Variants in ATP1A4 observed in about 807,000 individuals in gnomAD.
ATP1A4 encodes the protein ATPase Na+/K+ transporting subunit alpha 4.
Under a neutral mutation model 114.3 loss-of-function variants are expected in ATP1A4, and 90 were observed. That is an observed-to-expected ratio of 0.79 (90% CI 0.66 to 0.94). The LOEUF is 0.94. ATP1A4 is among the 40% of genes least tolerant of loss of function. The probability of loss-of-function intolerance (pLI) is 0.00; values close to 1 mark genes in which losing one functional copy is unlikely to be tolerated. For missense variants in ATP1A4, 1,222 were observed against 1,313.6 expected, an observed-to-expected ratio of 0.93 and a Z score of 1.08; for synonymous variants, 511 against 494.1, an observed-to-expected ratio of 1.03 and a Z score of -0.45.
At chr1:160,180,693 CCTTTTTT>C (rs1653653314) in intron 18 of ATP1A4, among the ~76,000 whole-genome samples, 1 of 131,416 alleles carries the variant, frequency 7.6e-6, no homozygotes, top group African/African-American at 2.9e-5. Flanking sequence ...TGCCTTCTTC[CCTTTTTT>C]TTTTTTTTTT....
At chr1:160,183,348 T>A (rs769439522) in intron 20 of ATP1A4, 3 of 152,252 alleles carry the variant, frequency 2.0e-5, no homozygotes, top group Non-Finnish European at 4.4e-5. Context: ...AATGCCATTA[T>A]AGACATAATA....
At chr1:160,175,008 T>A (rs1653411179) in intron 15 of ATP1A4, among the ~76,000 whole-genome samples, 1 of 152,210 alleles carries the variant, frequency 6.6e-6, no homozygotes, top group Admixed American at 6.5e-5. Flanking sequence ...GAGACTCTGG[T>A]ATACATAATA....
chr1:160,174,222 T>G lies in ATP1A4; in HGVS notation c.2103T>G (p.Pro701=), dbSNP rs1653368862. 1 of 1,614,078 alleles carries G rather than the reference T, an allele frequency of 6.2e-7. No homozygotes were observed. The highest frequency in any genetic ancestry group is 8.5e-7 in the Non-Finnish European group (1 of 1,180,002). ...HPEIVFARTS[P]QQKLIIVEGC... is the part of the protein sequence containing the mutation. Reference sequence around the variant, plus strand: ...AGATCGTGTTTGCTCGGACCTCCCCTCAGCAGAAGCTCATCATTGTCGAGG... The same window carrying G: ...AGATCGTGTTTGCTCGGACCTCCCCGCAGCAGAAGCTCATCATTGTCGAGG... The change falls in exon 14 of 22, where the codon CCT becomes CCG. Residue 701 remains proline (P), a synonymous_variant. Coordinates refer to ENST00000368081, the MANE Select transcript of ATP1A4 (RefSeq NM_144699.4).
chr1:160,182,663 C>CTTTAT (rs893238991), intron 20 of ATP1A4: 1 of 152,650 alleles, frequency 6.6e-6, no homozygotes, highest in Non-Finnish European at 1.5e-5. Flanking sequence ...CAACACATTT[C>CTTTAT]TTTATTTTAT....
At chr1:160,185,188 C>G (rs1397920547) in intron 20 of ATP1A4, among the ~76,000 whole-genome samples, 1 of 151,438 alleles carries the variant, frequency 6.6e-6, no homozygotes, top group East Asian at 1.9e-4. Context: ...TCTCAGCTCA[C>G]TGCAACCTCC....
intron 6 of ATP1A4, among the ~76,000 whole-genome samples, chr1:160,162,987 C>A (rs1310719017): frequency 6.6e-6 from 1 of 152,150 alleles, no homozygotes; most frequent in Non-Finnish European, 1.5e-5. Flanking sequence ...GACTAGAAGA[C>A]CTTTATTTGT....
chr1:160,172,634 T>C (rs1219624887), intron 12 of ATP1A4, among the ~76,000 whole-genome samples: 1 of 152,208 alleles, frequency 6.6e-6, no homozygotes, highest in Non-Finnish European at 1.5e-5. Context: ...AGCTTAGATA[T>C]AGACACCTTC....
At position 160,152,017 on chromosome 1, in the gene ATP1A4, G is replaced by C; in HGVS notation, c.-24G>C. 1 of 1,603,706 alleles carries C rather than the reference G, an allele frequency of 6.2e-7. No homozygotes were observed. The highest frequency in any genetic ancestry group is 8.5e-7 in the Non-Finnish European group (1 of 1,175,474). ...CAGCTTTCTTCCCACAGTTGAGCTC[G>C]GGCAGCTCTTTCTGGGGATAGCTAT... On this transcript the variant is annotated 5_prime_UTR_variant, in exon 1 of 22. Coordinates refer to ENST00000368081, the MANE Select transcript of ATP1A4 (RefSeq NM_144699.4).
At chr1:160,178,198 A>G (rs1300887642) in intron 18 of ATP1A4, among the ~76,000 whole-genome samples, 1 of 151,858 alleles carries the variant, frequency 6.6e-6, no homozygotes, top group Non-Finnish European at 1.5e-5. Flanking sequence ...TCTACTAAAA[A>G]TACAAAATTA....
At chr1:160,186,591 C>T in intron 21 of ATP1A4, 80 bp from the exon 22 acceptor site, 2 of 1,520,042 alleles carry the variant, frequency 1.3e-6, no homozygotes, top group Non-Finnish European at 1.8e-6. Flanking sequence ...CAACCTTGTC[C>T]CTGCTTTCCC....
chr1:160,165,726 G>C (rs1034630789), intron 7 of ATP1A4, among the ~76,000 whole-genome samples: 1 of 152,108 alleles, frequency 6.6e-6, no homozygotes, highest in African/African-American at 2.4e-5. Context: ...TCACGCCACA[G>C]AATGAGACTC....
intron 17 of ATP1A4, 97 bp downstream of exon 17, chr1:160,176,699 C>T: frequency 2.0e-6 from 3 of 1,521,500 alleles, no homozygotes; most frequent in Non-Finnish European, 2.7e-6. Flanking sequence ...GAGATATTTT[C>T]TCAGCAACAA....
At chr1:160,161,296 TC>T (rs1652855804) in intron 6 of ATP1A4, among the ~76,000 whole-genome samples, 1 of 152,214 alleles carries the variant, frequency 6.6e-6, no homozygotes, top group East Asian at 1.9e-4. Flanking sequence ...TACCCTTGCC[TC>T]CCATGTCTCA....
chr1:160,179,553 T>C (rs1035884010), intron 18 of ATP1A4, among the ~76,000 whole-genome samples: 41 of 152,258 alleles, frequency 2.7e-4, no homozygotes, highest in Admixed American at 1.3e-4. Context: ...AATTTTCAGA[T>C]AATCTGGTAT....
intron 17 of ATP1A4, 36 bp downstream of exon 17, chr1:160,176,638 G>T (rs1473964257): frequency 1.2e-6 from 2 of 1,603,350 alleles, no homozygotes; most frequent in African/African-American, 2.7e-5. Context: ...AGGGAGCAGG[G>T]AGTGGTTTCC....
At position 160,177,639 on chromosome 1, in the gene ATP1A4, T is replaced by A. The variant is rs141273117; in HGVS notation, c.2711T>A (p.Leu904Gln). 259 of 1,614,198 alleles carry A rather than the reference T, an allele frequency of 1.6e-4. No homozygotes were observed. The African/African-American group carries it at 3.2e-3, about 20-fold the overall frequency. Residue 904 changes from leucine (L) to glutamine (Q), a missense_variant, in exon 18 of 22, where the codon CTG becomes CAG. By Grantham distance (113) the Leu-to-Gln change is moderately radical (BLOSUM62 -2). Coordinates refer to ENST00000368081, the MANE Select transcript of ATP1A4 (RefSeq NM_144699.4). Reference sequence around the variant, plus strand: ...TGGGAAGATAAATACTTGAATGACCTGGAGGACAGCTACGGACAGCAGTGG... The same window carrying A: ...TGGGAAGATAAATACTTGAATGACCAGGAGGACAGCTACGGACAGCAGTGG... ...LHWEDKYLNDLEDSYGQQWTY... is the reference protein window; with the variant it reads ...LHWEDKYLNDQEDSYGQQWTY...
At position 160,152,109 on chromosome 1, in the gene ATP1A4, A is replaced by G. The variant is rs77332724; in HGVS notation, c.69A>G (p.Lys23=). The part of the protein sequence containing the change: ...HDQSPRRRPK[K]GLIKKKMVKR... ...AGAGTCCAAGACGAAGACCTAAAAA[A>G]GGGCTTATCAAGAAAAAAATGGTGA... Residue 23 remains lysine (K), a synonymous_variant, in exon 1 of 22, where the codon AAA becomes AAG. Transcript: ENST00000368081. 0.13 allele frequency: 206,426 copies of G among 1,613,824 alleles called. 14,324 individuals carry two copies. Among genetic ancestry groups the G allele is most frequent in the Non-Finnish European group, 0.14 (162,127 of 1,179,864 alleles).
Position 160,168,068 on chromosome 1 carries a change from A to G in ATP1A4, c.1491+656A>G, listed in dbSNP as rs1386173154. Among the ~76,000 whole-genome samples, 3 of 152,134 alleles carry G rather than the reference A, an allele frequency of 2.0e-5. No individual in the cohort carries two copies. In the East Asian group the frequency reaches 5.8e-4, roughly 29 times the overall value. ...TCATTTCCCAGGAACATTTTGGTCCACTCTCCGGGGAGGAGTGGACAAGAG... is the reference window on the plus strand; with the variant it reads ...TCATTTCCCAGGAACATTTTGGTCCGCTCTCCGGGGAGGAGTGGACAAGAG... On this transcript the variant is annotated intron_variant, in intron 10 of 21. Transcript: ENST00000368081.
Position 160,159,389 on chromosome 1 carries a change from C to T in ATP1A4, c.661-20C>T, listed in dbSNP as rs1036191005. Reference sequence around the variant, plus strand: ...TTTTTCCTATGCTCACCTTACAACGCGTCCCCTCTCCCATCCCAGGTGGAC... The same window carrying T: ...TTTTTCCTATGCTCACCTTACAACGTGTCCCCTCTCCCATCCCAGGTGGAC... On this transcript the variant is annotated intron_variant, in intron 5 of 21. Transcript: ENST00000368081. 1.0e-5 allele frequency: 16 copies of T among 1,586,512 alleles called. No individual in the cohort carries two copies. Among genetic ancestry groups the T allele is most frequent in the Middle Eastern group, 1.7e-4 (1 of 5,946 alleles).
Sources: allele counts gnomAD v4.1 joint callset (sites outside exome capture counted in the v4.1 genomes callset), GRCh38; gene constraint gnomAD v4.1.1; transcripts MANE v1.5; gene names NCBI Gene and HGNC (gene_info 2026-07-23, HGNC 2026-07-21).